CNTN1: variants seen among roughly 807,000 people sequenced by gnomAD.
CNTN1 encodes contactin-1.
Under a neutral mutation model 126.4 loss-of-function variants are expected in CNTN1, and 38 were observed. That is an observed-to-expected ratio of 0.30 (90% CI 0.23 to 0.39). CNTN1 has a LOEUF of 0.39. Among genes scored for constraint, CNTN1 ranks in the 10% least tolerant of loss-of-function variants. CNTN1 has a pLI of 1.00. For synonymous variants in CNTN1, 413 were observed against 422.6 expected, an observed-to-expected ratio of 0.98 and a Z score of 0.28; for missense variants, 1,009 against 1,248.4, an observed-to-expected ratio of 0.81 and a Z score of 2.89.
intron 23 of CNTN1, among the ~76,000 whole-genome samples, chr12:41,036,501 T>G (rs1949269189): frequency 6.6e-6 from 1 of 152,198 alleles, no homozygotes; most frequent in Non-Finnish European, 1.5e-5. Context: ...AGCTTCTAAA[T>G]CAGTTTCATG....
intron 1 of CNTN1, among the ~76,000 whole-genome samples, chr12:40,805,982 GT>G (rs1208372702): frequency 4.6e-5 from 7 of 152,264 alleles, no homozygotes; most frequent in Admixed American, 2.0e-4. Flanking sequence ...TTAAATCAAT[GT>G]TGTAATCTGC....
chr12:40,993,028 C>T (rs974619205), intron 16 of CNTN1, 92 bp from the exon 17 acceptor site: 177 of 1,163,842 alleles, frequency 1.5e-4, no homozygotes, highest in Non-Finnish European at 2.1e-4. Context: ...TAATATATAC[C>T]ATTCTCCCTG....
At chr12:40,753,805 T>C (rs1938494680) in intron 1 of CNTN1, among the ~76,000 whole-genome samples, 1 of 152,176 alleles carries the variant, frequency 6.6e-6, no homozygotes, top group African/African-American at 2.4e-5. Context: ...TTTCACACTA[T>C]TTTATAACCT....
chr12:40,874,693 T>C (rs941461599), intron 1 of CNTN1, among the ~76,000 whole-genome samples: 2 of 152,178 alleles, frequency 1.3e-5, no homozygotes, highest in Admixed American at 1.3e-4. Flanking sequence ...ATAAGTCTAT[T>C]GTAGGAATGA....
intron 17 of CNTN1, among the ~76,000 whole-genome samples, chr12:41,002,816 C>T (rs1948399152): frequency 6.6e-6 from 1 of 152,134 alleles, no homozygotes; most frequent in African/African-American, 2.4e-5. Context: ...CTCGGCCTCC[C>T]AAAGTGCTGG....
At chr12:40,825,221 C>T (rs1194109836) in intron 1 of CNTN1, among the ~76,000 whole-genome samples, 1 of 152,084 alleles carries the variant, frequency 6.6e-6, no homozygotes, top group Non-Finnish European at 1.5e-5. Flanking sequence ...TCTTAGAGAA[C>T]AAATAAAATC....
In CNTN1 at chr12:41,027,962, G is replaced by C; in HGVS notation, c.2816G>C (p.Gly939Ala). The C allele has an allele frequency of 6.3e-7, 1 of 1,584,376 alleles. No individual in the cohort carries two copies. The highest frequency in any genetic ancestry group is 2.2e-5 in the East Asian group (1 of 44,728). ...CTATCAAATGAATCTACAGTGACGG[G>C]ATATAAGGTATATACAAATAGTGAT... ...VALSNESTVT[G>A]YKVLYRPDGQ... The change falls in exon 22 of 24, where the codon GGA becomes GCA. Residue 939 changes from glycine to alanine, a missense_variant. Coordinates refer to ENST00000551295, the MANE Select transcript of CNTN1 (RefSeq NM_001843.4).
intron 1 of CNTN1, among the ~76,000 whole-genome samples, chr12:40,693,489 G>C (rs1941359776): frequency 6.6e-6 from 1 of 152,242 alleles, no homozygotes; most frequent in Admixed American, 6.5e-5. Flanking sequence ...GCAGTAGGCA[G>C]AAGAATTGCA....
chr12:40,965,087 T>C (rs1374863048), intron 15 of CNTN1, among the ~76,000 whole-genome samples: 1 of 152,166 alleles, frequency 6.6e-6, no homozygotes, highest in East Asian at 1.9e-4. Flanking sequence ...GTTCTAATGG[T>C]CCTATTATTG....
intron 15 of CNTN1, among the ~76,000 whole-genome samples, chr12:40,961,093 T>C (rs1374684201): frequency 6.6e-6 from 1 of 151,978 alleles, no homozygotes; most frequent in Non-Finnish European, 1.5e-5. Context: ...TATGTATTTT[T>C]ATAGAGAATC....
At chr12:40,949,198 G>GTT (rs202111064) in intron 14 of CNTN1, among the ~76,000 whole-genome samples, 1 of 72,962 alleles carries the variant, frequency 1.4e-5, no homozygotes, top group East Asian at 2.9e-4. Flanking sequence ...AAGTCAATTT[G>GTT]TTTTTTTTTT....
chr12:40,814,399 C>T (rs73116769), intron 1 of CNTN1, among the ~76,000 whole-genome samples: 3,464 of 152,196 alleles, frequency 0.023, 128 homozygotes, highest in African/African-American at 0.078. Flanking sequence ...GAGTCCAGTT[C>T]CATTTTTTCT....
intron 23 of CNTN1, among the ~76,000 whole-genome samples, chr12:41,046,182 T>C (rs1179470831): frequency 6.6e-6 from 1 of 152,162 alleles, no homozygotes; most frequent in Admixed American, 6.6e-5. Context: ...GATCTTGTCC[T>C]GTGTCCTGCC....
intron 1 of CNTN1, among the ~76,000 whole-genome samples, chr12:40,853,785 G>A (rs113861961): frequency 0.017 from 2,576 of 151,470 alleles, 73 homozygotes; most frequent in African/African-American, 0.058. Flanking sequence ...AGCTCTATCC[G>A]TCTCCTTTCC....
At chr12:40,976,312 T>A (rs1359237356) in intron 15 of CNTN1, among the ~76,000 whole-genome samples, 1 of 152,110 alleles carries the variant, frequency 6.6e-6, no homozygotes, top group East Asian at 1.9e-4. Flanking sequence ...TAAAATCAGG[T>A]CAGATTCCAA....
At chr12:40,906,570 A>C (rs527654127) in intron 1 of CNTN1, among the ~76,000 whole-genome samples, 20 of 152,232 alleles carry the variant, frequency 1.3e-4, no homozygotes, top group Admixed American at 3.9e-4. Context: ...TGGTGCAAGC[A>C]ATCAGTAGGA....
intron 23 of CNTN1, among the ~76,000 whole-genome samples, chr12:41,054,927 T>G (rs1194977300): frequency 1.3e-5 from 2 of 152,178 alleles, no homozygotes; most frequent in African/African-American, 4.8e-5. Flanking sequence ...TCAGCCATTT[T>G]TAATTAGACG....
chr12:41,029,276 G>A, intron 23 of CNTN1, 57 bp downstream of exon 23: 2 of 1,580,878 alleles, frequency 1.3e-6, no homozygotes, highest in South Asian at 2.2e-5. Context: ...TCTAGACCCT[G>A]TGGATTCCCA....
chr12:40,778,325 A>C (rs1038377179), intron 1 of CNTN1, among the ~76,000 whole-genome samples: 1 of 151,848 alleles, frequency 6.6e-6, no homozygotes, highest in African/African-American at 2.4e-5. Context: ...ATAAAGTTTT[A>C]TTGGAACATA....
Sources: allele counts gnomAD v4.1 joint callset (sites outside exome capture counted in the v4.1 genomes callset), GRCh38; gene constraint gnomAD v4.1.1; transcripts MANE v1.5; gene names NCBI Gene and HGNC (gene_info 2026-07-23, HGNC 2026-07-21).